Variants in IGSF21 observed in about 807,000 individuals in gnomAD.
IGSF21 encodes the protein immunoglobulin superfamily member 21.
IGSF21 carries 28 observed loss-of-function variants against 46.8 expected under a neutral mutation model. That is an observed-to-expected ratio of 0.60 (90% CI 0.44 to 0.82). The LOEUF is 0.82. Ranked by LOEUF, IGSF21 falls within the 40% of genes least tolerant of loss-of-function variation. IGSF21 has a pLI of 0.00. For synonymous variants in IGSF21, 284 were observed against 273.6 expected (o/e 1.04, Z -0.38); for missense variants, 624 against 665.5 (o/e 0.94, Z 0.69).
Position 18,341,142 on chromosome 1 carries a change from T to G in IGSF21, c.424+6132T>G, listed in dbSNP as rs1489139323. Among the ~76,000 whole-genome samples, 8 of 150,344 alleles carry G rather than the reference T, an allele frequency of 5.3e-5. No homozygotes were observed. In the East Asian group the frequency reaches 1.6e-3, roughly 29 times the overall value. On this transcript the variant is annotated intron_variant, in intron 4 of 9. Transcript: ENST00000251296. ...TCCTTCTTCTTCTCTTTTTTTTTTT[T>G]GTGTGTGTGAGACAGTCTTGCTCTG...
intron 1 of IGSF21, among the ~76,000 whole-genome samples, chr1:18,123,032 T>C (rs1398679694): frequency 3.3e-5 from 5 of 152,190 alleles, no homozygotes; most frequent in African/African-American, 1.2e-4. Flanking sequence ...CTTTGGAAAA[T>C]ACCAGTTTGG....
intron 1 of IGSF21, among the ~76,000 whole-genome samples, chr1:18,141,497 G>T (rs1383604483): frequency 2.0e-5 from 3 of 152,146 alleles, no homozygotes; most frequent in Non-Finnish European, 2.9e-5. Context: ...ATGTAGGGCA[G>T]GGGGTTGGGG....
At chr1:18,303,250 A>T (rs1389378534) in intron 3 of IGSF21, among the ~76,000 whole-genome samples, 1 of 152,150 alleles carries the variant, frequency 6.6e-6, no homozygotes, top group Non-Finnish European at 1.5e-5. Flanking sequence ...TTCCCCACCC[A>T]TTGTTTGATC....
Position 18,177,392 on chromosome 1 carries a change from G to GGTGTGTGT in IGSF21, c.71-50469_71-50462dup, listed in dbSNP as rs3041401. Among the ~76,000 whole-genome samples, 234 of 125,008 alleles carry GGTGTGTGT rather than the reference G, an allele frequency of 1.9e-3. 2 individuals carry two copies. Among genetic ancestry groups the GGTGTGTGT allele is most frequent in the East Asian group, 6.8e-3 (27 of 3,978 alleles). 82.0% of individuals were successfully genotyped at this position (125,008 alleles called of 152,430 possible). A position where few individuals can be genotyped will look rare whatever the true frequency, so the allele number is the denominator to read the frequency against. On this transcript the variant is annotated intron_variant, in intron 1 of 9. Coordinates refer to ENST00000251296, the MANE Select transcript of IGSF21 (RefSeq NM_032880.5). ...TCGTGTGTGGGGATGGGGTCAGTGA[G>GGTGTGTGT]GTGTGTGTGTGTGTGTGTGTGTGTG...
intron 2 of IGSF21, among the ~76,000 whole-genome samples, chr1:18,282,655 C>T (rs1190861072): frequency 6.6e-6 from 1 of 151,778 alleles, no homozygotes; most frequent in African/African-American, 2.4e-5. Flanking sequence ...CACACACACA[C>T]ACACACACAC....
rs546601503 is a variant in IGSF21 at position 18,196,009 on chromosome 1, C to G, written c.71-31889C>G. Among the ~76,000 whole-genome samples the G allele has an allele frequency of 4.6e-5, 7 of 152,320 alleles. No homozygotes were observed. In the East Asian group the frequency reaches 1.4e-3, roughly 30 times the overall value. ...GAGCTCAGCCTTCTGGAACTGCAAG[C>G]AGCTTGGTGATGCTGGGGGGTTGTG... On this transcript the variant is annotated intron_variant, in intron 1 of 9. Coordinates refer to ENST00000251296, the MANE Select transcript of IGSF21 (RefSeq NM_032880.5).
intron 1 of IGSF21, chr1:18,111,625 GTTTTGT>G (rs1440244409): frequency 6.6e-6 from 1 of 152,216 alleles, no homozygotes. Context: ...TGTAGCTGGG[GTTTTGT>G]TTTTCCAATA....
At chr1:18,162,587 C>T (rs941464716) in intron 1 of IGSF21, among the ~76,000 whole-genome samples, 7 of 152,222 alleles carry the variant, frequency 4.6e-5, no homozygotes, top group East Asian at 1.9e-4. Context: ...GTTCTGAGCA[C>T]GTTTCAGGTC....
intron 2 of IGSF21, among the ~76,000 whole-genome samples, chr1:18,275,998 A>T (rs2085099733): frequency 1.3e-5 from 2 of 152,124 alleles, no homozygotes; most frequent in South Asian, 4.1e-4. Flanking sequence ...ATATCTTTGT[A>T]AATCACCTTG....
At chr1:18,314,292 T>A (rs61380336) in intron 3 of IGSF21, among the ~76,000 whole-genome samples, 2 of 129,044 alleles carry the variant, frequency 1.5e-5, no homozygotes, top group African/African-American at 4.9e-5. Context: ...GTGGTTTTTT[T>A]TTTTTTAAAC....
At chr1:18,325,646 G>T (rs1260864544) in intron 3 of IGSF21, among the ~76,000 whole-genome samples, 2 of 152,114 alleles carry the variant, frequency 1.3e-5, no homozygotes, top group Non-Finnish European at 2.9e-5. Context: ...ATCTGCGCTG[G>T]AACCAAATCC....
chr1:18,257,401 C>A (rs1033764935), intron 2 of IGSF21, among the ~76,000 whole-genome samples: 1 of 152,144 alleles, frequency 6.6e-6, no homozygotes, highest in Non-Finnish European at 1.5e-5. Context: ...ATACATTACT[C>A]TTTATATATA....
At chr1:18,216,736 C>CT (rs1030183371) in intron 1 of IGSF21, among the ~76,000 whole-genome samples, 7 of 152,222 alleles carry the variant, frequency 4.6e-5, no homozygotes, top group African/African-American at 1.7e-4. Context: ...ACCTCTCACC[C>CT]TTTTTTCGGC....
intron 4 of IGSF21, among the ~76,000 whole-genome samples, chr1:18,351,082 G>C (rs1175198803): frequency 1.3e-5 from 2 of 152,106 alleles, no homozygotes. Flanking sequence ...TGAGGAAACC[G>C]AGACCCAGGG....
intron 1 of IGSF21, among the ~76,000 whole-genome samples, chr1:18,120,320 C>T (rs1202652954): frequency 6.6e-6 from 1 of 152,196 alleles, no homozygotes. Context: ...CTGCAGCCAA[C>T]TCTTGGGGGC....
intron 8 of IGSF21, 40 bp from the exon 9 acceptor site, chr1:18,377,353 C>T (rs2086293436): frequency 1.3e-6 from 2 of 1,590,540 alleles, no homozygotes. Context: ...GCTCTGAAGG[C>T]CATCCACCCT....
chr1:18,283,327 G>T (rs112575815), intron 2 of IGSF21, among the ~76,000 whole-genome samples: 1,596 of 152,312 alleles, frequency 0.01, 14 homozygotes, highest in Non-Finnish European at 0.017. Context: ...AGCAGGGACT[G>T]CCCAGAGAGG....
intron 1 of IGSF21, among the ~76,000 whole-genome samples, chr1:18,167,211 A>C (rs1444711645): frequency 6.6e-6 from 1 of 152,122 alleles, no homozygotes; most frequent in African/African-American, 2.4e-5. Context: ...GGTGTATCTG[A>C]AGCAAGAGTG....
intron 6 of IGSF21, chr1:18,376,004 C>T (rs933314203): frequency 9.6e-6 from 3 of 312,234 alleles, no homozygotes; most frequent in Non-Finnish European, 6.3e-6. Flanking sequence ...ATGGCACTGG[C>T]TTGTACTTGT....
Sources: allele counts gnomAD v4.1 joint callset (sites outside exome capture counted in the v4.1 genomes callset), GRCh38; gene constraint gnomAD v4.1.1; transcripts MANE v1.5; gene names NCBI Gene and HGNC (gene_info 2026-07-23, HGNC 2026-07-21).